MTAP: variants seen among roughly 807,000 people sequenced by gnomAD.
The protein encoded by MTAP is S-methyl-5'-thioadenosine phosphorylase.
MTAP carries 33 observed loss-of-function variants against 33.6 expected under a neutral mutation model. That is an observed-to-expected ratio of 0.98 (90% CI 0.74 to 1.31). MTAP has a LOEUF of 1.31. MTAP is among the 40% of genes most tolerant of loss of function. The pLI is 0.00. For missense variants in MTAP, 367 were observed against 360.0 expected (o/e 1.02, Z -0.16); for synonymous variants, 148 against 125.7 (o/e 1.18, Z -1.19).
chr9:21,903,213 G>A (rs912931860), intron 1 of MTAP, among the ~76,000 whole-genome samples: 1 of 152,172 alleles, frequency 6.6e-6, no homozygotes, highest in Non-Finnish European at 1.5e-5. Context: ...ACTATATTTA[G>A]ACTCCAGCTG....
chr9:21,829,254 G>A (rs113736809), intron 4 of MTAP, among the ~76,000 whole-genome samples: 5 of 152,234 alleles, frequency 3.3e-5, no homozygotes, highest in African/African-American at 7.2e-5. Flanking sequence ...AAGCCACCCC[G>A]TGGATTATAG....
At position 21,802,803 on chromosome 9, in the gene MTAP, G is replaced by A. The variant is rs1208204990; in HGVS notation, c.33+22G>A. The A allele has an allele frequency of 3.7e-6, 6 of 1,612,186 alleles. No homozygotes were observed. The Admixed American group carries it at 5.0e-5, about 13-fold the overall frequency. On this transcript the variant is annotated intron_variant, in intron 1 of 7. Transcript: ENST00000644715. ...GAAGGTGAGATGAGCCCTCCCAGCC[G>A]CAGCGGTTCGCCCTGCCGGATGCCT...
At chr9:21,804,926 C>A (rs894632851) in intron 1 of MTAP, among the ~76,000 whole-genome samples, 4 of 152,206 alleles carry the variant, frequency 2.6e-5, no homozygotes, top group African/African-American at 9.6e-5. Flanking sequence ...GCCCTGTTTT[C>A]TTGTGACCTA....
At chr9:21,909,457 T>C (rs1818531878) in intron 1 of MTAP, among the ~76,000 whole-genome samples, 1 of 152,162 alleles carries the variant, frequency 6.6e-6, no homozygotes, top group South Asian at 2.1e-4. Flanking sequence ...TGCTGTTCAG[T>C]ATAGAGCTTG....
chr9:21,894,781 T>G (rs1818262026), intron 1 of MTAP, among the ~76,000 whole-genome samples: 3 of 151,588 alleles, frequency 2.0e-5, no homozygotes. Context: ...AACTCCATAG[T>G]GTCTGTCCAA....
chr9:21,814,702 TA>T (rs927648973), intron 1 of MTAP, among the ~76,000 whole-genome samples: 2 of 152,030 alleles, frequency 1.3e-5, no homozygotes, highest in East Asian at 1.9e-4. Flanking sequence ...TGCATGAACT[TA>T]AAAAAAACTT....
chr9:21,903,647 C>T (rs1243772908), intron 1 of MTAP, among the ~76,000 whole-genome samples: 1 of 152,158 alleles, frequency 6.6e-6, no homozygotes, highest in Non-Finnish European at 1.5e-5. Flanking sequence ...TGCTCCTGTT[C>T]CAGAGACACT....
intron 4 of MTAP, among the ~76,000 whole-genome samples, chr9:21,825,528 G>T (rs1017225546): frequency 3.3e-5 from 5 of 152,138 alleles, no homozygotes; most frequent in African/African-American, 1.2e-4. Context: ...CACTTACTTT[G>T]TTTTGTCATT....
intron 1 of MTAP, among the ~76,000 whole-genome samples, chr9:21,894,051 C>G (rs1330880384): frequency 4.0e-5 from 6 of 151,840 alleles, no homozygotes; most frequent in African/African-American, 9.7e-5. Flanking sequence ...GCTAATCCAC[C>G]ATGATCAAGT....
chr9:21,874,867 C>G (rs1300134891), intron 1 of MTAP, among the ~76,000 whole-genome samples: 1 of 151,920 alleles, frequency 6.6e-6, no homozygotes, highest in Non-Finnish European at 1.5e-5. Flanking sequence ...CTGACAGGCC[C>G]CGGTATGTGA....
chr9:21,875,353 T>C (rs1825990926), intron 1 of MTAP, among the ~76,000 whole-genome samples: 1 of 152,112 alleles, frequency 6.6e-6, no homozygotes, highest in African/African-American at 2.4e-5. Context: ...ACCAGTGATG[T>C]TGAGCTTTTT....
intron 5 of MTAP, 61 bp from the exon 6 acceptor site, chr9:21,854,570 G>A (rs1825591482): frequency 6.8e-7 from 1 of 1,472,686 alleles, no homozygotes; most frequent in Non-Finnish European, 9.0e-7. Flanking sequence ...TTGGGGGGAA[G>A]TGCAGCCTTA....
Position 21,865,661 on chromosome 9 carries a change from A to AATCT in MTAP, c.*3649_*3652dup, listed in dbSNP as rs1284649966. The AATCT allele has an allele frequency of 9.9e-7, 1 of 1,005,602 alleles. No individual in the cohort carries two copies. Among genetic ancestry groups the AATCT allele is most frequent in the African/African-American group, 1.7e-5 (1 of 58,050 alleles). 62.3% of individuals were successfully genotyped at this position (1,005,602 alleles called of 1,614,324 possible). On this transcript the variant is annotated 3_prime_UTR_variant, in exon 8 of 8. Coordinates refer to ENST00000644715, the MANE Select transcript of MTAP (RefSeq NM_002451.4). ...AAGAAGGAATGCCAAAGATCGAGGA[A>AATCT]ATCTACCAAGACTAGTAGGGTAGTC...
rs1825800160 is a variant in MTAP, at chr9:21,863,681, A to G, written c.*1667A>G. On this transcript the variant is annotated 3_prime_UTR_variant, in exon 8 of 8. Coordinates refer to ENST00000644715, the MANE Select transcript of MTAP (RefSeq NM_002451.4). ...TGCTTCAGTTTTTTATCATGGGGAG[A>G]TCTTTTTCCTCAGAATTGTTTTCTT... The G allele has an allele frequency of 2.0e-6, 2 of 985,292 alleles. No individual in the cohort carries two copies. Among genetic ancestry groups the G allele is most frequent in the South Asian group, 4.7e-5 (1 of 21,276 alleles). 61.0% of individuals were successfully genotyped at this position (985,292 alleles called of 1,614,324 possible).
At chr9:21,901,356 G>T (rs191226217) in intron 1 of MTAP, among the ~76,000 whole-genome samples, 1 of 152,016 alleles carries the variant, frequency 6.6e-6, no homozygotes, top group African/African-American at 2.4e-5. Flanking sequence ...AATTTTTTTA[G>T]TATTCATAAC....
At chr9:21,841,034 A>G (rs1246944571) in intron 5 of MTAP, among the ~76,000 whole-genome samples, 1 of 152,152 alleles carries the variant, frequency 6.6e-6, no homozygotes, top group African/African-American at 2.4e-5. Flanking sequence ...CCTCTGGAAC[A>G]TAAACCCAGT....
chr9:21,850,243 G>A (rs1034174241), intron 5 of MTAP, among the ~76,000 whole-genome samples: 5 of 152,146 alleles, frequency 3.3e-5, no homozygotes, highest in African/African-American at 9.7e-5. Context: ...ATTTCTAGGG[G>A]GTCCAGTGGT....
chr9:21,862,513 A>G lies in MTAP; in HGVS notation c.*499A>G, dbSNP rs1195407363. On this transcript the variant is annotated 3_prime_UTR_variant, in exon 8 of 8. Coordinates refer to ENST00000644715, the MANE Select transcript of MTAP (RefSeq NM_002451.4). Reference sequence around the variant, plus strand: ...CATCTAGCAATTTCTCTTTAAAACCATATCAGAGATGCATACAAAGAATTA... The same window carrying G: ...CATCTAGCAATTTCTCTTTAAAACCGTATCAGAGATGCATACAAAGAATTA... 1 of 152,654 alleles carries G rather than the reference A, an allele frequency of 6.6e-6. No individual in the cohort carries two copies. The highest frequency in any genetic ancestry group is 2.4e-5 in the African/African-American group (1 of 41,462). 9.5% of individuals were successfully genotyped at this position (152,654 alleles called of 1,614,324 possible).
intron 1 of MTAP, among the ~76,000 whole-genome samples, chr9:21,875,288 T>G (rs1205065483): frequency 6.6e-6 from 1 of 152,162 alleles, no homozygotes; most frequent in East Asian, 1.9e-4. Flanking sequence ...TGATCGCCAT[T>G]CTAACTGGTG....
Sources: allele counts gnomAD v4.1 joint callset (sites outside exome capture counted in the v4.1 genomes callset), GRCh38; gene constraint gnomAD v4.1.1; transcripts MANE v1.5; gene names NCBI Gene and HGNC (gene_info 2026-07-23, HGNC 2026-07-21).